TULP1: variants seen among roughly 807,000 people sequenced by gnomAD.
TULP1 encodes the protein TUB like protein 1, also known as tubby-related protein 1.
In TULP1, 50 loss-of-function variants were observed where a neutral mutation model predicts 67.1. The ratio of observed to expected loss-of-function variants is 0.75; its 90% confidence interval spans 0.59 to 0.94. The LOEUF is 0.94. Among genes scored for constraint, TULP1 ranks in the 40% least tolerant of loss-of-function variants. The probability of loss-of-function intolerance (pLI) is 0.00; values close to 1 mark genes in which losing one functional copy is unlikely to be tolerated. For synonymous variants in TULP1, 297 were observed against 294.0 expected (o/e 1.01, Z -0.11); for missense variants, 746 against 734.1 (o/e 1.02, Z -0.19).
At chr6:35,499,390 G>A (rs1046797239) in intron 14 of TULP1, among the ~76,000 whole-genome samples, 1 of 152,216 alleles carries the variant, frequency 6.6e-6, no homozygotes, top group African/African-American at 2.4e-5. Flanking sequence ...TGATGTGACC[G>A]TGGGCAAGTT....
At chr6:35,508,769 G>A (rs535135099) in intron 8 of TULP1, among the ~76,000 whole-genome samples, 53 of 152,310 alleles carry the variant, frequency 3.5e-4, no homozygotes, top group Admixed American at 6.5e-4. Context: ...GGGAGGTTGG[G>A]AGGTCCTGGG....
At chr6:35,512,787 G>A in intron 1 of TULP1, 25 bp downstream of exon 1, 2 of 1,599,740 alleles carry the variant, frequency 1.3e-6, no homozygotes, top group Non-Finnish European at 1.7e-6. Context: ...GGGTTCAGGT[G>A]CCACGAACTG....
intron 11 of TULP1, 111 bp downstream of exon 11, chr6:35,505,630 T>C: frequency 6.4e-7 from 1 of 1,555,858 alleles, no homozygotes; most frequent in Non-Finnish European, 8.7e-7. Flanking sequence ...AGGGGACGTT[T>C]CCAGGGTGCC....
At position 35,510,923 on chromosome 6, in the gene TULP1, G is replaced by T. The variant is rs1215715582; in HGVS notation, c.437C>A (p.Pro146His). 5 of 1,613,612 alleles carry T rather than the reference G, an allele frequency of 3.1e-6. No individual in the cohort carries two copies. The highest frequency in any genetic ancestry group is 4.2e-6 in the Non-Finnish European group (5 of 1,180,004). The change falls in exon 5 of 15, where the codon CCC becomes CAC. Residue 146 changes from proline to histidine, a missense_variant. Transcript: ENST00000229771. The part of the protein sequence containing the change: ...KEKILLPPKK[P>H]LREKSSADLK... ...GTCTGCGGAGCTCTTCTCTCTCAGGGGCTTCTTGGGAGGCAGAAGGATTTT... is the reference window on the plus strand; with the variant it reads ...GTCTGCGGAGCTCTTCTCTCTCAGGTGCTTCTTGGGAGGCAGAAGGATTTT...
At chr6:35,504,944 A>T (rs1193288325) in intron 11 of TULP1, among the ~76,000 whole-genome samples, 1 of 147,988 alleles carries the variant, frequency 6.8e-6, no homozygotes, top group Non-Finnish European at 1.5e-5. Flanking sequence ...TTATTTATTC[A>T]TTTATTTTTG....
At chr6:35,501,640 C>T (rs531639145) in intron 13 of TULP1, among the ~76,000 whole-genome samples, 20 of 151,578 alleles carry the variant, frequency 1.3e-4, no homozygotes, top group African/African-American at 3.6e-4. Context: ...GGCAAAACCG[C>T]GTCTCTACTG....
At chr6:35,502,025 C>T (rs1760977030) in intron 13 of TULP1, among the ~76,000 whole-genome samples, 1 of 152,140 alleles carries the variant, frequency 6.6e-6, no homozygotes, top group Non-Finnish European at 1.5e-5. Context: ...CTGGCTCTTC[C>T]CACTGCCCAG....
rs2150929261 is a variant in TULP1 at position 35,512,836 on chromosome 6, A to G, written c.23T>C (p.Leu8Pro). Residue 8 changes from leucine (L) to proline (P), a missense_variant, in exon 1 of 15, where the codon CTC (leucine) becomes CCC (proline). Leu to Pro is a moderately conservative substitution (Grantham distance 98). Coordinates refer to ENST00000229771, the MANE Select transcript of TULP1 (RefSeq NM_003322.6). ...CCTGTCAGAGGCCCACACCTCTCGG[A>G]GGGTTTCATCCCGCAGAGGCATGGT... MPLRDET[L>P]REVWASDSGH... The G allele has an allele frequency of 6.2e-7, 1 of 1,608,554 alleles. No individual in the cohort carries two copies. Among genetic ancestry groups the G allele is most frequent in the East Asian group, 2.2e-5 (1 of 44,538 alleles).
chr6:35,510,026 T>C, intron 5 of TULP1, 98 bp from the exon 6 acceptor site: 1 of 1,183,574 alleles, frequency 8.4e-7, no homozygotes, highest in Non-Finnish European at 1.2e-6. Flanking sequence ...CCAGGGAGGC[T>C]GAAAGCTTGA....
In TULP1 at chr6:35,506,145, A is replaced by G; in HGVS notation, c.857T>C (p.Val286Ala). 6.2e-7 allele frequency: 1 copy of G among 1,613,356 alleles called. No homozygotes were observed. The change falls in exon 10 of 15, where the codon GTG (valine) becomes GCG (alanine). Residue 286 changes from valine to alanine, a missense_variant. By Grantham distance (64) the Val-to-Ala change is moderately conservative (BLOSUM62 0). This residue lies in a region of TULP1 where 383 missense variants were observed against 374.1 expected (regional missense o/e 1.02). Coordinates refer to ENST00000229771, the MANE Select transcript of TULP1 (RefSeq NM_003322.6). ...AKEERAPSPPVEVDEPREFVL... is the reference protein window; with the variant it reads ...AKEERAPSPPAEVDEPREFVL... ...AAACTCCCGGGGTTCGTCCACCTCCACGGGGGGAGACGGGGCCCTCTCCTC... is the reference window on the plus strand; with the variant it reads ...AAACTCCCGGGGTTCGTCCACCTCCGCGGGGGGAGACGGGGCCCTCTCCTC...
Position 35,509,619 on chromosome 6 carries a change from GC to G in TULP1, c.718+14del. 6.2e-7 allele frequency: 1 copy of G among 1,611,900 alleles called. No homozygotes were observed. Among genetic ancestry groups the G allele is most frequent in the Non-Finnish European group, 8.5e-7 (1 of 1,178,048 alleles). On this transcript the variant is annotated intron_variant, in intron 7 of 14. Coordinates refer to ENST00000229771, the MANE Select transcript of TULP1 (RefSeq NM_003322.6). ...ACCTCAAGATGTCACCACACCAGAAGCCCTTGCCATCCACCTTTCTTCTTCA... is the reference window on the plus strand; with the variant it reads ...ACCTCAAGATGTCACCACACCAGAAGCCTTGCCATCCACCTTTCTTCTTCA...
At chr6:35,506,250 G>C (rs771175560) in intron 9 of TULP1, 24 bp downstream of exon 9, 9 of 1,599,000 alleles carry the variant, frequency 5.6e-6, no homozygotes, top group East Asian at 2.3e-5. Context: ...GCTGAGACAC[G>C]GGCAGCCCGG....
intron 8 of TULP1, 85 bp from the exon 9 acceptor site, chr6:35,506,364 G>T (rs1019484649): frequency 6.5e-7 from 1 of 1,527,446 alleles, no homozygotes; most frequent in Non-Finnish European, 8.9e-7. Flanking sequence ...CATGCTCCCT[G>T]GCAGCCCGGC....
chr6:35,506,104 G>A lies in TULP1; in HGVS notation c.898C>T (p.Pro300Ser). ...EPREFVLRPA[P>S]QGRTVRCRLT... ...CGGCAGCGCACCGTGCGGCCCTGGGGGGCAGGCCGGAGCACAAACTCCCGG... is the reference window on the plus strand; with the variant it reads ...CGGCAGCGCACCGTGCGGCCCTGGGAGGCAGGCCGGAGCACAAACTCCCGG... The change falls in exon 10 of 15, where the codon CCC becomes TCC. Residue 300 changes from proline to serine, a missense_variant. Coordinates refer to ENST00000229771, the MANE Select transcript of TULP1 (RefSeq NM_003322.6). 6.2e-7 allele frequency: 1 copy of A among 1,613,668 alleles called. No individual in the cohort carries two copies. Among genetic ancestry groups the A allele is most frequent in the South Asian group, 1.1e-5 (1 of 91,072 alleles).
intron 13 of TULP1, among the ~76,000 whole-genome samples, chr6:35,501,914 G>A (rs1262986948): frequency 2.0e-5 from 3 of 152,152 alleles, no homozygotes; most frequent in African/African-American, 7.2e-5. Context: ...TAAAGACCCT[G>A]TCTACCCCTC....
intron 11 of TULP1, among the ~76,000 whole-genome samples, chr6:35,505,154 C>T (rs1761055775): frequency 6.6e-6 from 1 of 152,042 alleles, no homozygotes; most frequent in Non-Finnish European, 1.5e-5. Flanking sequence ...CCAGGCTGAT[C>T]TCGGACTCCT....
rs773507803 is a variant in TULP1 at position 35,506,141 on chromosome 6, C to G, written c.861G>C (p.Glu287Asp). 6.2e-7 allele frequency: 1 copy of G among 1,613,734 alleles called. No homozygotes were observed. Among genetic ancestry groups the G allele is most frequent in the Non-Finnish European group, 8.5e-7 (1 of 1,179,954 alleles). Reference protein sequence around the residue: ...KEERAPSPPVEVDEPREFVLR... With the variant: ...KEERAPSPPVDVDEPREFVLR... ...GCACAAACTCCCGGGGTTCGTCCAC[C>G]TCCACGGGGGGAGACGGGGCCCTCT... The change falls in exon 10 of 15, where the codon GAG becomes GAC. Residue 287 changes from glutamate to aspartate, a missense_variant. Around this residue, in one of 3 missense-constraint regions of TULP1, gnomAD observed 383 missense variants for 374.1 expected, o/e 1.02. Coordinates refer to ENST00000229771, the MANE Select transcript of TULP1 (RefSeq NM_003322.6).
Position 35,509,631 on chromosome 6 carries a change from C to T in TULP1, c.718+3G>A. On this transcript the variant is annotated splice_donor_region_variant and intron_variant, in intron 7 of 14. Transcript: ENST00000229771. ...CACCACACCAGAAGCCCTTGCCATCCACCTTTCTTCTTCAGGGCTTTCTTG... is the reference window on the plus strand; with the variant it reads ...CACCACACCAGAAGCCCTTGCCATCTACCTTTCTTCTTCAGGGCTTTCTTG... 1 of 1,613,878 alleles carries T rather than the reference C, an allele frequency of 6.2e-7. No homozygotes were observed. The highest frequency in any genetic ancestry group is 8.5e-7 in the Non-Finnish European group (1 of 1,179,788).
intron 3 of TULP1, 50 bp from the exon 4 acceptor site, chr6:35,511,856 G>C (rs575026531): frequency 7.4e-6 from 11 of 1,482,968 alleles, no homozygotes; most frequent in Non-Finnish European, 9.9e-6. Context: ...GGGTCCGCGA[G>C]GCAGCGCCTC....
Sources: gnomAD v4.1 joint callset for allele counts (sites outside exome capture counted in the v4.1 genomes callset) on GRCh38, gnomAD v4.1.1 for gene constraint, gnomAD v4.1.1 regional missense constraint, MANE v1.5 for transcripts, NCBI Gene and HGNC (gene_info 2026-07-23, HGNC 2026-07-21) for gene names.